Variants in PCDH15 observed in about 807,000 individuals in gnomAD.
The protein encoded by PCDH15 is protocadherin-15.
In PCDH15, 129 loss-of-function variants were observed where a neutral mutation model predicts 178.5. That is an observed-to-expected ratio of 0.72 (90% CI 0.63 to 0.84). The LOEUF (loss-of-function observed/expected upper bound fraction) is 0.84, where lower values mean the gene tolerates loss of function less well. Among genes scored for constraint, PCDH15 ranks in the 40% least tolerant of loss-of-function variants. PCDH15 has a pLI of 0.00. For missense variants in PCDH15, 2,230 were observed against 2,099.9 expected (o/e 1.06, Z -1.21); for synonymous variants, 800 against 732.0 (o/e 1.09, Z -1.50).
At chr10:55,050,087 G>A (rs1030667009) in intron 2 of PCDH15, among the ~76,000 whole-genome samples, 1 of 151,856 alleles carries the variant, frequency 6.6e-6, no homozygotes, top group Admixed American at 6.6e-5. Flanking sequence ...TATTCAGTTT[G>A]GTACAATTGA....
At chr10:54,092,222 C>A (rs1181483514) in intron 15 of PCDH15, among the ~76,000 whole-genome samples, 2 of 152,094 alleles carry the variant, frequency 1.3e-5, no homozygotes, top group African/African-American at 2.4e-5. Flanking sequence ...CAGATCCCAC[C>A]AGATTTACCT....
At chr10:55,356,107 G>A (rs1845072051) in intron 2 of PCDH15, among the ~76,000 whole-genome samples, 1 of 151,790 alleles carries the variant, frequency 6.6e-6, no homozygotes, top group African/African-American at 2.4e-5. Flanking sequence ...AACTAATTAA[G>A]TGTTCAACAA....
At chr10:54,378,309 A>ATTTTTTTTTT (rs56244838) in intron 4 of PCDH15, among the ~76,000 whole-genome samples, 1 of 150,026 alleles carries the variant, frequency 6.7e-6, no homozygotes. Flanking sequence ...ACTTTTTCTC[A>ATTTTTTTTTT]TTTTTTTTTT....
rs1422769506 is a variant in PCDH15 at position 54,660,351 on chromosome 10, A to C, written c.91+3821T>G. Among the ~76,000 whole-genome samples, 7 of 152,272 alleles carry C rather than the reference A, an allele frequency of 4.6e-5. No individual in the cohort carries two copies. The East Asian group carries it at 1.2e-3, about 25-fold the overall frequency. ...ACTATGAATATCTCTGTGATCAAAA[A>C]CGAGAAAACCTAGAAGAAATGAATA... On this transcript the variant is annotated intron_variant, in intron 2 of 37. Transcript: ENST00000644397.
intron 29 of PCDH15, among the ~76,000 whole-genome samples, chr10:53,838,148 TG>T (rs1264362149): frequency 6.6e-6 from 1 of 151,802 alleles, no homozygotes; most frequent in Non-Finnish European, 1.5e-5. Context: ...GCTAATTTTT[TG>T]TATTTTTAGT....
chr10:54,171,054 G>A (rs1239328936), intron 13 of PCDH15, among the ~76,000 whole-genome samples: 1 of 152,076 alleles, frequency 6.6e-6, no homozygotes, highest in African/African-American at 2.4e-5. Context: ...CACTGGATAG[G>A]TAGAGGCCTT....
chr10:54,437,452 G>T (rs2075498269), intron 3 of PCDH15, among the ~76,000 whole-genome samples: 4 of 152,106 alleles, frequency 2.6e-5, no homozygotes, highest in Admixed American at 2.6e-4. Flanking sequence ...CATATCCTAG[G>T]CTATTAAATG....
intron 16 of PCDH15, among the ~76,000 whole-genome samples, chr10:54,080,409 C>G (rs2094418854): frequency 6.6e-6 from 1 of 152,072 alleles, no homozygotes; most frequent in Non-Finnish European, 1.5e-5. Context: ...AATTTTACAT[C>G]TGATATTGTA....
chr10:55,542,633 A>G (rs1175720693), intron 2 of PCDH15, among the ~76,000 whole-genome samples: 3 of 142,926 alleles, frequency 2.1e-5, no homozygotes, highest in Non-Finnish European at 3.1e-5. Flanking sequence ...ATAGGTACAT[A>G]CAGACATATG....
At chr10:54,942,554 T>C (rs1335304017) in intron 2 of PCDH15, among the ~76,000 whole-genome samples, 1 of 152,064 alleles carries the variant, frequency 6.6e-6, no homozygotes, top group Non-Finnish European at 1.5e-5. Flanking sequence ...ACTATAAGCA[T>C]GTTAAAGGTA....
At chr10:54,114,611 AT>A (rs1380649476) in intron 15 of PCDH15, among the ~76,000 whole-genome samples, 7 of 152,220 alleles carry the variant, frequency 4.6e-5, no homozygotes, top group Non-Finnish European at 8.8e-5. Context: ...TGCATATAGG[AT>A]TACAGCAAAG....
At chr10:54,472,442 G>T (rs1438779738) in intron 3 of PCDH15, among the ~76,000 whole-genome samples, 2 of 152,034 alleles carry the variant, frequency 1.3e-5, no homozygotes, top group East Asian at 3.9e-4. Flanking sequence ...TATGTCACAT[G>T]TTTCTTCAAT....
At chr10:54,298,185 A>T (rs1210892013) in intron 8 of PCDH15, among the ~76,000 whole-genome samples, 1 of 152,166 alleles carries the variant, frequency 6.6e-6, no homozygotes, top group Non-Finnish European at 1.5e-5. Flanking sequence ...GGAGGCCTTA[A>T]GGAAATACAC....
chr10:53,993,382 C>A (rs1237723705), intron 21 of PCDH15, among the ~76,000 whole-genome samples: 2 of 152,258 alleles, frequency 1.3e-5, no homozygotes, highest in East Asian at 3.9e-4. Context: ...CATGAGAATA[C>A]AAACTGAAAT....
intron 2 of PCDH15, among the ~76,000 whole-genome samples, chr10:54,554,388 A>G (rs1001681400): frequency 1.3e-5 from 2 of 152,212 alleles, no homozygotes; most frequent in Non-Finnish European, 2.9e-5. Context: ...TTCTAACAAC[A>G]TATATCGTAG....
intron 2 of PCDH15, among the ~76,000 whole-genome samples, chr10:54,544,290 C>T (rs2085595725): frequency 6.6e-6 from 1 of 152,082 alleles, no homozygotes; most frequent in Non-Finnish European, 1.5e-5. Flanking sequence ...GATAAAAACA[C>T]ATTATTGATT....
In PCDH15 at chr10:53,813,557, G is replaced by A. The variant is rs115752516; in HGVS notation, c.4492-1938C>T. Among the ~76,000 whole-genome samples, 1,502 of 152,218 alleles carry A rather than the reference G, an allele frequency of 9.9e-3. 25 individuals are homozygous for A. The highest frequency in any genetic ancestry group is 0.034 in the African/African-American group (1,409 of 41,530). On this transcript the variant is annotated intron_variant, in intron 35 of 37. Transcript: ENST00000644397. The stretch of plus-strand genomic sequence containing the variant: ...ACTTTTTAGAATATGTTTGGCAATA[G>A]TACTAAATTAAATATAACCATTTCT...
intron 1 of PCDH15, among the ~76,000 whole-genome samples, chr10:55,263,186 C>G (rs542852824): frequency 3.3e-5 from 5 of 152,286 alleles, no homozygotes; most frequent in Admixed American, 6.5e-5. Flanking sequence ...GTAAGAGGCT[C>G]TCTTTCCCTT....
intron 2 of PCDH15, among the ~76,000 whole-genome samples, chr10:55,350,228 C>CATATATATAT (rs869240598): frequency 0.013 from 931 of 72,834 alleles, 18 homozygotes; most frequent in Non-Finnish European, 0.019. Flanking sequence ...TATATAAACT[C>CATATATATAT]ATATATATAT....
Sources: gnomAD v4.1 joint callset for allele counts (sites outside exome capture counted in the v4.1 genomes callset) on GRCh38, gnomAD v4.1.1 for gene constraint, MANE v1.5 for transcripts, NCBI Gene and HGNC (gene_info 2026-07-23, HGNC 2026-07-21) for gene names.